Variants in ATRN observed in about 807,000 individuals in gnomAD.
ATRN encodes attractin-2.
In ATRN, 54 loss-of-function variants were observed where a neutral mutation model predicts 178.7. The ratio of observed to expected loss-of-function variants is 0.30; its 90% CI spans 0.24 to 0.38. The LOEUF (loss-of-function observed/expected upper bound fraction) is 0.38. Among genes scored for constraint, ATRN ranks in the 10% least tolerant of loss-of-function variants. ATRN has a pLI of 1.00. For missense variants in ATRN, 1,443 were observed against 1,815.1 expected, an observed-to-expected ratio of 0.79 and a Z score of 3.73; for synonymous variants, 636 against 663.0, an observed-to-expected ratio of 0.96 and a Z score of 0.63.
At chr20:3,592,615 T>A (rs2086464874) in intron 19 of ATRN, 2 of 459,414 alleles carry the variant, frequency 4.4e-6, no homozygotes, top group Non-Finnish European at 5.7e-6. Flanking sequence ...GTAAACAACA[T>A]AGGGAAATCT....
At chr20:3,487,319 C>T (rs780998901) in intron 1 of ATRN, among the ~76,000 whole-genome samples, 24 of 151,958 alleles carry the variant, frequency 1.6e-4, no homozygotes, top group Non-Finnish European at 2.8e-4. Flanking sequence ...CTGCAACCTC[C>T]GCCTCCCAGG....
chr20:3,569,823 C>T (rs979496626), intron 11 of ATRN, among the ~76,000 whole-genome samples: 2 of 152,156 alleles, frequency 1.3e-5, no homozygotes, highest in African/African-American at 2.4e-5. Flanking sequence ...GTAATCCCAG[C>T]GCTTTGGGAG....
chr20:3,512,151 C>T (rs1373541246), intron 1 of ATRN, among the ~76,000 whole-genome samples: 2 of 141,644 alleles, frequency 1.4e-5, no homozygotes, highest in Non-Finnish European at 3.0e-5. Flanking sequence ...TACATGTGCA[C>T]AACATGCAGG....
intron 1 of ATRN, 28 bp from the exon 2 acceptor site, chr20:3,535,225 A>C (rs767719751): frequency 3.3e-6 from 4 of 1,217,222 alleles, no homozygotes; most frequent in Non-Finnish European, 4.4e-6. Flanking sequence ...TAGCAGACTT[A>C]AGTTTTCTTT....
intron 3 of ATRN, among the ~76,000 whole-genome samples, chr20:3,545,402 T>C (rs1740413253): frequency 6.6e-6 from 1 of 151,866 alleles, no homozygotes; most frequent in Non-Finnish European, 1.5e-5. Context: ...CTCATGTCTT[T>C]CAGCAATATA....
chr20:3,539,288 G>A (rs190831169), intron 2 of ATRN, among the ~76,000 whole-genome samples: 162 of 152,302 alleles, frequency 1.1e-3, no homozygotes, highest in African/African-American at 3.7e-3. Flanking sequence ...ACTGGAGGAA[G>A]CAAAGTCTTC....
intron 24 of ATRN, among the ~76,000 whole-genome samples, chr20:3,605,698 C>T (rs958502520): frequency 6.6e-6 from 1 of 151,978 alleles, no homozygotes; most frequent in Non-Finnish European, 1.5e-5. Context: ...AAGTGGGAGC[C>T]GAGAACACAT....
chr20:3,522,096 A>G (rs1204437855), intron 1 of ATRN, among the ~76,000 whole-genome samples: 10 of 152,192 alleles, frequency 6.6e-5, no homozygotes, highest in Admixed American at 6.5e-4. Context: ...GTGGAATTGC[A>G]ATAGAAATCA....
chr20:3,480,174 C>G (rs2084599693), intron 1 of ATRN, among the ~76,000 whole-genome samples: 1 of 152,158 alleles, frequency 6.6e-6, no homozygotes, highest in African/African-American at 2.4e-5. Context: ...TGGGTTTATG[C>G]TTGACCTAGG....
intron 28 of ATRN, among the ~76,000 whole-genome samples, chr20:3,646,256 G>T (rs1259217701): frequency 1.3e-5 from 2 of 152,174 alleles, no homozygotes; most frequent in Non-Finnish European, 2.9e-5. Flanking sequence ...GAGTGATAGG[G>T]GTGAATCTGA....
At chr20:3,644,629 G>C (rs2087094026) in intron 28 of ATRN, among the ~76,000 whole-genome samples, 1 of 152,070 alleles carries the variant, frequency 6.6e-6, no homozygotes, top group Admixed American at 6.5e-5. Flanking sequence ...CCCTGAATCT[G>C]GGTGTGCTCC....
intron 1 of ATRN, among the ~76,000 whole-genome samples, chr20:3,517,113 G>T (rs1406284616): frequency 6.6e-6 from 1 of 152,166 alleles, no homozygotes; most frequent in Non-Finnish European, 1.5e-5. Context: ...GTGTAAAAGC[G>T]TTCCTATTTC....
chr20:3,535,323 C>T lies in ATRN; in HGVS notation c.481C>T (p.Leu161Phe). Residue 161 changes from leucine (L) to phenylalanine (F), a missense_variant, in exon 2 of 29, where the codon CTC becomes TTC. Physicochemically the swap from Leu to Phe is conservative, Grantham distance 22. Coordinates refer to ENST00000262919, the MANE Select transcript of ATRN (RefSeq NM_139321.3). ...TAAATACAAAACGAAGTGCACGTGG[C>T]TCATTGAAGGACAGTAAGTAGAAAT... ...NYKYKTKCTW[L>F]IEGQPNRIMR... 2 of 1,539,854 alleles carry T rather than the reference C, an allele frequency of 1.3e-6. No individual in the cohort carries two copies. Among genetic ancestry groups the T allele is most frequent in the African/African-American group, 1.4e-5 (1 of 72,420 alleles).
chr20:3,589,434 T>G (rs771287663), intron 18 of ATRN, among the ~76,000 whole-genome samples: 3 of 131,544 alleles, frequency 2.3e-5, no homozygotes, highest in South Asian at 4.7e-4. Context: ...ATTGTGAGGG[T>G]TTTTTTTTTT....
At chr20:3,584,968 C>T (rs2086337524) in intron 18 of ATRN, 88 bp downstream of exon 18, 3 of 1,231,262 alleles carry the variant, frequency 2.4e-6, no homozygotes, top group Non-Finnish European at 3.5e-6. Flanking sequence ...GTATATGTAA[C>T]TCCCTGCCCT....
At chr20:3,609,961 G>A (rs537564618) in intron 24 of ATRN, among the ~76,000 whole-genome samples, 2 of 152,216 alleles carry the variant, frequency 1.3e-5, no homozygotes, top group African/African-American at 2.4e-5. Flanking sequence ...TAGGGGGAGC[G>A]GGAAATAGGG....
At chr20:3,629,044 T>C in intron 25 of ATRN, 1 of 985,346 alleles carries the variant, frequency 1.0e-6, no homozygotes, top group Non-Finnish European at 1.2e-6. Context: ...ATGGCTCTGC[T>C]GGTTCCAAGC....
Position 3,559,434 on chromosome 20 carries a change from C to G in ATRN, c.1154C>G (p.Ser385Cys), listed in dbSNP as rs752682548. The part of the protein sequence containing the change: ...ASREWLPLNR[S>C]VNNVVVRYGH... ...AGGGAGTGGCTTCCACTAAACCGTT[C>G]TGTGAACAATGTGGTTGTTAGATAT... is the stretch of plus-strand genomic sequence containing the variant. Residue 385 changes from serine to cysteine, a missense_variant, in exon 7 of 29, where the codon TCT (serine) becomes TGT (cysteine). Transcript: ENST00000262919. The G allele has an allele frequency of 1.8e-5, 29 of 1,613,956 alleles. No homozygotes were observed. Among genetic ancestry groups the G allele is most frequent in the Non-Finnish European group, 2.4e-5 (28 of 1,179,882 alleles).
At chr20:3,531,453 G>T (rs2085452116) in intron 1 of ATRN, among the ~76,000 whole-genome samples, 1 of 152,158 alleles carries the variant, frequency 6.6e-6, no homozygotes, top group South Asian at 2.1e-4. Flanking sequence ...GATATTTATT[G>T]CAGTGATGTG....
Sources: gnomAD v4.1 joint callset for allele counts (sites outside exome capture counted in the v4.1 genomes callset) on GRCh38, gnomAD v4.1.1 for gene constraint, MANE v1.5 for transcripts, NCBI Gene and HGNC (gene_info 2026-07-23, HGNC 2026-07-21) for gene names.